ARPP21: variants seen among roughly 807,000 people sequenced by gnomAD.
ARPP21 encodes the protein cAMP regulated phosphoprotein 21.
Under a neutral mutation model 113.2 loss-of-function variants are expected in ARPP21, and 69 were observed. That is an observed-to-expected ratio of 0.61 (90% CI 0.50 to 0.74). The LOEUF (loss-of-function observed/expected upper bound fraction) is 0.74, where lower values mean the gene tolerates loss of function less well. Among genes scored for constraint, ARPP21 ranks in the 30% least tolerant of loss-of-function variants. The pLI, the probability that ARPP21 is intolerant of heterozygous loss-of-function variation, is 0.00. For missense variants in ARPP21, 1,070 were observed against 1,037.4 expected, an observed-to-expected ratio of 1.03 and a Z score of -0.43; for synonymous variants, 368 against 375.5, an observed-to-expected ratio of 0.98 and a Z score of 0.23.
At chr3:35,674,809 G>C (rs1329152151) in intron 1 of ARPP21, among the ~76,000 whole-genome samples, 1 of 151,926 alleles carries the variant, frequency 6.6e-6, no homozygotes, top group Non-Finnish European at 1.5e-5. Context: ...ATCATCAGAT[G>C]ATATGCTCAG....
Position 35,790,792 on chromosome 3 carries a change from G to A in ARPP21, c.2138-1590G>A, listed in dbSNP as rs115792896. On this transcript the variant is annotated intron_variant, in intron 19 of 20. Transcript: ENST00000684406. ...GTGGTTATTACCCTTAATTATATTC[G>A]TAATATGTGGTGTCTTTACAATAAT... is the stretch of plus-strand genomic sequence containing the variant. 6.0e-3 allele frequency among the ~76,000 whole-genome samples: 917 copies of A among 152,272 alleles called. 10 individuals are homozygous for A. The highest frequency in any genetic ancestry group is 0.019 in the African/African-American group (796 of 41,540).
intron 1 of ARPP21, among the ~76,000 whole-genome samples, chr3:35,669,735 T>G (rs1432694718): frequency 6.6e-6 from 1 of 152,200 alleles, no homozygotes; most frequent in Non-Finnish European, 1.5e-5. Context: ...ACCAACAGTT[T>G]TCTTCTATTG....
intron 15 of ARPP21, among the ~76,000 whole-genome samples, 175 bp downstream of exon 15, chr3:35,729,711 A>G (rs944386426): frequency 6.6e-6 from 1 of 152,174 alleles, no homozygotes; most frequent in African/African-American, 2.4e-5. Context: ...AGTATCTATA[A>G]CTCTATATTT....
intron 1 of ARPP21, among the ~76,000 whole-genome samples, chr3:35,664,897 T>G (rs1709523603): frequency 6.6e-6 from 1 of 152,200 alleles, no homozygotes; most frequent in South Asian, 2.1e-4. Context: ...GGGAGGGGCT[T>G]CAGAGGAGTG....
intron 19 of ARPP21, among the ~76,000 whole-genome samples, chr3:35,748,468 G>C (rs550368885): frequency 2.4e-4 from 36 of 149,856 alleles, no homozygotes; most frequent in Non-Finnish European, 3.3e-4. Flanking sequence ...AAAAGAAAGA[G>C]AGAGAGGGAG....
At chr3:35,771,095 G>T (rs1022155016) in intron 19 of ARPP21, among the ~76,000 whole-genome samples, 1 of 152,150 alleles carries the variant, frequency 6.6e-6, no homozygotes, top group Non-Finnish European at 1.5e-5. Flanking sequence ...GTGCCCTGGG[G>T]CTCCACTTAG....
intron 15 of ARPP21, among the ~76,000 whole-genome samples, chr3:35,734,472 G>A (rs537227698): frequency 2.0e-5 from 3 of 152,260 alleles, no homozygotes; most frequent in South Asian, 2.1e-4. Context: ...AAAAGAGAGA[G>A]CAAGACCAAA....
chr3:35,650,406 A>C (rs1024250038), intron 1 of ARPP21: 4 of 152,154 alleles, frequency 2.6e-5, no homozygotes, highest in Admixed American at 6.6e-5. Flanking sequence ...GGATGAGATG[A>C]ATGCATTTTA....
intron 12 of ARPP21, 65 bp from the exon 13 acceptor site, chr3:35,717,233 T>A: frequency 1.1e-6 from 1 of 892,026 alleles, no homozygotes; most frequent in Admixed American, 1.7e-5. Context: ...TACACATCCA[T>A]GTAAACACAA....
intron 19 of ARPP21, among the ~76,000 whole-genome samples, chr3:35,776,555 T>G (rs998552440): frequency 1.3e-5 from 2 of 152,162 alleles, no homozygotes; most frequent in East Asian, 1.9e-4. Context: ...AGCACCCTTT[T>G]GCCCTAGGAT....
At chr3:35,728,600 A>G (rs1480415148) in intron 14 of ARPP21, among the ~76,000 whole-genome samples, 3 of 151,836 alleles carry the variant, frequency 2.0e-5, no homozygotes, top group Non-Finnish European at 4.4e-5. Context: ...AATGGTTTAA[A>G]GTTGCCTCTG....
chr3:35,697,389 G>A (rs928222067), intron 9 of ARPP21, among the ~76,000 whole-genome samples: 2 of 151,564 alleles, frequency 1.3e-5, no homozygotes, highest in African/African-American at 4.8e-5. Flanking sequence ...TGTGAGCCTG[G>A]GTATTTTGCC....
chr3:35,725,563 C>A (rs2093464254), intron 14 of ARPP21, among the ~76,000 whole-genome samples: 1 of 152,164 alleles, frequency 6.6e-6, no homozygotes, highest in African/African-American at 2.4e-5. Flanking sequence ...AACCCAGTAT[C>A]CTTCCTCCTT....
At chr3:35,750,655 A>G in intron 19 of ARPP21, among the ~76,000 whole-genome samples, 1 of 152,216 alleles carries the variant, frequency 6.6e-6, no homozygotes, top group Middle Eastern at 3.4e-3. Context: ...AGTTGCTGAG[A>G]GGTGGATATT....
intron 9 of ARPP21, among the ~76,000 whole-genome samples, chr3:35,702,451 C>T (rs1263110795): frequency 2.6e-5 from 4 of 151,748 alleles, no homozygotes; most frequent in South Asian, 2.1e-4. Context: ...TCCAAATCCA[C>T]GTAGCCAAAT....
At chr3:35,661,755 G>T (rs920479642) in intron 1 of ARPP21, among the ~76,000 whole-genome samples, 1 of 152,100 alleles carries the variant, frequency 6.6e-6, no homozygotes, top group Non-Finnish European at 1.5e-5. Flanking sequence ...GGATGCCTTT[G>T]TATTTATTGT....
intron 19 of ARPP21, among the ~76,000 whole-genome samples, chr3:35,759,988 C>T (rs970357043): frequency 7.2e-5 from 11 of 152,010 alleles, no homozygotes; most frequent in Non-Finnish European, 1.5e-4. Flanking sequence ...CTGTGTTCTT[C>T]CCATGTCGAG....
chr3:35,709,094 C>T, intron 11 of ARPP21, 24 bp downstream of exon 11: 1 of 1,498,546 alleles, frequency 6.7e-7, no homozygotes, highest in African/African-American at 1.4e-5. Context: ...TTAATTGCCT[C>T]TTTAGTGCGC....
chr3:35,683,445 C>T (rs979895264), intron 4 of ARPP21, among the ~76,000 whole-genome samples: 2 of 151,686 alleles, frequency 1.3e-5, no homozygotes, highest in Non-Finnish European at 3.0e-5. Flanking sequence ...GAAATGACAG[C>T]AATTCATTCT....
Sources: allele counts gnomAD v4.1 joint callset (sites outside exome capture counted in the v4.1 genomes callset), GRCh38; gene constraint gnomAD v4.1.1; transcripts MANE v1.5; gene names NCBI Gene and HGNC (gene_info 2026-07-23, HGNC 2026-07-21).